NHLH2: variants seen among roughly 807,000 people sequenced by gnomAD.
The protein encoded by NHLH2 is nescient helix-loop-helix 2, also known as helix-loop-helix protein 2.
In NHLH2, 7 loss-of-function variants were observed where a neutral mutation model predicts 7.3. The observed-to-expected ratio is 0.96, with a 90% confidence interval of 0.55 to 1.81. The LOEUF (loss-of-function observed/expected upper bound fraction) is 1.81, where lower values mean the gene tolerates loss of function less well. Ranked by LOEUF, NHLH2 falls within the 40% of genes most tolerant of loss-of-function variation. The pLI, the probability that NHLH2 is intolerant of heterozygous loss-of-function variation, is 0.00. For missense variants in NHLH2, 155 were observed against 194.0 expected, an observed-to-expected ratio of 0.80 and a Z score of 1.19; for synonymous variants, 93 against 91.6, an observed-to-expected ratio of 1.01 and a Z score of -0.09.
At chr1:115,833,340 A>G (rs1650794806), downstream of NHLH2, among the ~76,000 whole-genome samples, 1 of 152,188 alleles carries the variant, frequency 6.6e-6, no homozygotes, top group African/African-American at 2.4e-5. Context: ...CTTGGCATAC[A>G]GAGCACAGGC....
chr1:115,838,491 C>G (rs1013105425), intron 2 of NHLH2, 111 bp from the exon 3 acceptor site: 1 of 1,278,652 alleles, frequency 7.8e-7, no homozygotes, highest in Admixed American at 2.0e-5. Context: ...CGGCCCGGGC[C>G]CCCTCCCCAC....
intron 1 of NHLH2, 158 bp downstream of exon 1, chr1:115,840,790 C>G (rs560550759): frequency 1.2e-5 from 2 of 160,308 alleles, no homozygotes; most frequent in East Asian, 4.0e-4. Context: ...TGATATCTCC[C>G]CAGTTCCCAG....
At chr1:115,838,898 G>A (rs568582573) in intron 2 of NHLH2, 1 of 168,954 alleles carries the variant, frequency 5.9e-6, no homozygotes, top group Non-Finnish European at 1.4e-5. Context: ...GCGCCCGAGG[G>A]CCTGGCGCTG....
At chr1:115,839,097 G>A (rs1650977358) in intron 2 of NHLH2, 1 of 167,258 alleles carries the variant, frequency 6.0e-6, no homozygotes, top group Non-Finnish European at 1.5e-5. Flanking sequence ...TGACTCCGAT[G>A]CCCTCGCAGG....
rs1650935207 is a variant in NHLH2, at chr1:115,838,187, C to T, written c.186G>A (p.Gln62=). The T allele has an allele frequency of 6.4e-7, 1 of 1,573,150 alleles. No homozygotes were observed. Among genetic ancestry groups the T allele is most frequent in the Non-Finnish European group, 8.6e-7 (1 of 1,160,858 alleles). Residue 62 remains glutamine, a synonymous_variant, in exon 3 of 3, where the codon CAG becomes CAA. Transcript: ENST00000320238. ...GGCGGCGCTTCTCCTCGCGGCTCAG[C>T]TGCTGCGGGTGCGGGTAGAGCGCGG... ...SRAALYPHPQ[Q]LSREEKRRRR...
rs1247482310 is a variant in NHLH2, at chr1:115,837,141, A to G, written c.*824T>C. 6.6e-6 allele frequency: 1 copy of G among 152,502 alleles called. No individual in the cohort carries two copies. Among genetic ancestry groups the G allele is most frequent in the African/African-American group, 2.4e-5 (1 of 41,454 alleles). 9.4% of individuals were successfully genotyped at this position (152,502 alleles called of 1,614,324 possible). A position where few individuals can be genotyped will look rare whatever the true frequency, so the allele number is the denominator to read the frequency against. On this transcript the variant is annotated 3_prime_UTR_variant, in exon 3 of 3. Transcript: ENST00000320238. Reference sequence around the variant, plus strand: ...AAAAATACTCTACTCCTTCTAACATAAATAAAAATAGGTTGTCTTTTTCTA... The same window carrying G: ...AAAAATACTCTACTCCTTCTAACATGAATAAAAATAGGTTGTCTTTTTCTA...
At chr1:115,835,040 A>G (rs777316317), downstream of NHLH2, among the ~76,000 whole-genome samples, 1 of 152,168 alleles carries the variant, frequency 6.6e-6, no homozygotes, top group South Asian at 2.1e-4. Context: ...ATTTGAAATG[A>G]CATTGCAAAG....
At chr1:115,832,706 C>T (rs1332963433), downstream of NHLH2, among the ~76,000 whole-genome samples, 4 of 152,158 alleles carry the variant, frequency 2.6e-5, no homozygotes, top group Non-Finnish European at 5.9e-5. Flanking sequence ...ATGGGAGAAA[C>T]AGGTAAATTC....
chr1:115,836,184 T>C (rs1439888114), downstream of NHLH2, among the ~76,000 whole-genome samples: 1 of 152,214 alleles, frequency 6.6e-6, no homozygotes, highest in African/African-American at 2.4e-5. Context: ...CCATCATATG[T>C]AGGGCATCTA....
Position 115,838,212 on chromosome 1 carries a change from G to C in NHLH2, c.161C>G (p.Ala54Gly), listed in dbSNP as rs1012641972. ...CTGCTGCGGGTGCGGGTAGAGCGCG[G>C]CTCGGCTGCCGCCCTTGCCGTCGCC... ...AEGDGKGGSR[A>G]ALYPHPQQLS... Residue 54 changes from alanine to glycine, a missense_variant, in exon 3 of 3, where the codon GCC becomes GGC. By Grantham distance (60) the Ala-to-Gly change is moderately conservative (BLOSUM62 0). Coordinates refer to ENST00000320238, the MANE Select transcript of NHLH2 (RefSeq NM_005599.3). The C allele has an allele frequency of 1.3e-6, 2 of 1,559,558 alleles. No homozygotes were observed. Among genetic ancestry groups the C allele is most frequent in the Non-Finnish European group, 1.7e-6 (2 of 1,154,526 alleles).
intron 1 of NHLH2, 172 bp from the exon 2 acceptor site, chr1:115,840,716 A>G (rs1464923704): frequency 6.1e-6 from 1 of 164,408 alleles, no homozygotes; most frequent in Non-Finnish European, 1.5e-5. Context: ...GAAGTGCAGG[A>G]CAGAGATGTG....
At chr1:115,834,471 A>G (rs980604486), downstream of NHLH2, among the ~76,000 whole-genome samples, 1 of 152,128 alleles carries the variant, frequency 6.6e-6, no homozygotes, top group African/African-American at 2.4e-5. Flanking sequence ...AAGGTAAGTG[A>G]CCTGCACAGA....
downstream of NHLH2, among the ~76,000 whole-genome samples, chr1:115,833,900 G>C (rs1650808166): frequency 6.6e-6 from 1 of 152,228 alleles, no homozygotes; most frequent in South Asian, 2.1e-4. Flanking sequence ...AGAGACAGCA[G>C]TGAGGAGAGT....
rs1435274872 is a variant in NHLH2, at chr1:115,836,504, C to T, written c.*1461G>A. The T allele has an allele frequency of 6.6e-6, 1 of 152,420 alleles. No homozygotes were observed. Among genetic ancestry groups the T allele is most frequent in the Non-Finnish European group, 1.5e-5 (1 of 67,962 alleles). The allele number at this position is 152,420 out of a possible 1,614,324, so 9.4% of individuals were successfully genotyped here. On this transcript the variant is annotated 3_prime_UTR_variant, in exon 3 of 3. Coordinates refer to ENST00000320238, the MANE Select transcript of NHLH2 (RefSeq NM_005599.3). Reference sequence around the variant, plus strand: ...ATTGCATTATATAAAGCAACAGAGACACAAAAAAACCCTGAAAAAGACTAA... The same window carrying T: ...ATTGCATTATATAAAGCAACAGAGATACAAAAAAACCCTGAAAAAGACTAA...
In NHLH2 at chr1:115,838,127, G is replaced by A. The variant is rs771697600; in HGVS notation, c.246C>T (p.His82=). ...RRATAKYRSA[H]ATRERIRVEA... is the part of the protein sequence containing the mutation. ...CCACGCGGATGCGCTCGCGGGTGGC[G>A]TGGGCCGAGCGGTACTTGGCCGTGG... Residue 82 remains histidine, a synonymous_variant, in exon 3 of 3, where the codon CAC becomes CAT. Transcript: ENST00000320238. 1.0e-5 allele frequency: 16 copies of A among 1,602,716 alleles called. No individual in the cohort carries two copies. Among genetic ancestry groups the A allele is most frequent in the African/African-American group, 1.4e-5 (1 of 73,342 alleles).
intron 2 of NHLH2, chr1:115,838,654 G>A: frequency 5.1e-6 from 2 of 392,550 alleles, no homozygotes; most frequent in Non-Finnish European, 4.7e-6. Context: ...GGCCACAGCG[G>A]GCCTGTGGCC....
At chr1:115,838,879 G>C (rs1293095506) in intron 2 of NHLH2, 1 of 168,160 alleles carries the variant, frequency 5.9e-6, no homozygotes, top group Admixed American at 6.5e-5. Context: ...AAGCAACCCG[G>C]CAGCCGCGGC....
chr1:115,832,889 A>G (rs1364545471), downstream of NHLH2, among the ~76,000 whole-genome samples: 1 of 152,158 alleles, frequency 6.6e-6, no homozygotes, highest in Non-Finnish European at 1.5e-5. Context: ...CATTGTGAGT[A>G]AAGGGGAAGT....
At chr1:115,834,060 A>G (rs1482882694), downstream of NHLH2, among the ~76,000 whole-genome samples, 1 of 151,854 alleles carries the variant, frequency 6.6e-6, no homozygotes, top group Non-Finnish European at 1.5e-5. Context: ...AGAGTCCCCC[A>G]CTCCCACCCA....
Sources: gnomAD v4.1 joint callset for allele counts (sites outside exome capture counted in the v4.1 genomes callset) on GRCh38, gnomAD v4.1.1 for gene constraint, MANE v1.5 for transcripts, NCBI Gene and HGNC (gene_info 2026-07-23, HGNC 2026-07-21) for gene names.